SPTBN1: variants seen among roughly 807,000 people sequenced by gnomAD.
The protein encoded by SPTBN1 is spectrin beta chain, non-erythrocytic 1.
A neutral mutation model predicts 266.4 loss-of-function variants in SPTBN1; 32 were observed. The observed-to-expected ratio is 0.12, with a 90% CI of 0.09 to 0.16. SPTBN1 has a LOEUF of 0.16. SPTBN1 is among the 10% of genes least tolerant of loss of function. SPTBN1 has a pLI of 1.00. For missense variants in SPTBN1, 2,296 were observed against 3,067.1 expected, an observed-to-expected ratio of 0.75 and a Z score of 5.94; for synonymous variants, 1,336 against 1,162.2, an observed-to-expected ratio of 1.15 and a Z score of -3.04.
In SPTBN1 at chr2:54,641,245, G is replaced by A. The variant is rs574502805; in HGVS notation, c.3859-1738G>A. On this transcript the variant is annotated intron_variant, in intron 18 of 35. Transcript: ENST00000356805. ...TGATGCTTTATCTGTAGGATGATGT[G>A]TTCAGCAAAGAGCAGATTTGTTTAT... Among the ~76,000 whole-genome samples, 144 of 152,288 alleles carry A rather than the reference G, an allele frequency of 9.5e-4. 1 individual carries two copies. Among genetic ancestry groups the A allele is most frequent in the African/African-American group, 3.4e-3 (142 of 41,560 alleles).
chr2:54,638,634 T>A (rs907337987), intron 18 of SPTBN1, among the ~76,000 whole-genome samples: 2 of 152,250 alleles, frequency 1.3e-5, no homozygotes, highest in South Asian at 2.1e-4. Flanking sequence ...TCTAGCTGAT[T>A]TCACGTGTGA....
rs1468645244 is a variant in SPTBN1, at chr2:54,668,446, C to T, written c.6972C>T (p.Ser2324=). The change falls in exon 36 of 36, where the codon AGC becomes AGT. Residue 2324 remains serine (S), a synonymous_variant. Transcript: ENST00000356805. The stretch of plus-strand genomic sequence containing the variant: ...GCACCCAGAGCACGCCAGCATCCAG[C>T]CGCGCGCAGACCCTCCCCACCAGCG... ...SASTQSTPAS[S]RAQTLPTSVV... is the part of the protein sequence containing the mutation. 1 of 1,614,236 alleles carries T rather than the reference C, an allele frequency of 6.2e-7. No homozygotes were observed.
chr2:54,621,132 G>A (rs1221869431), intron 7 of SPTBN1, among the ~76,000 whole-genome samples: 1 of 152,198 alleles, frequency 6.6e-6, no homozygotes, highest in Non-Finnish European at 1.5e-5. Flanking sequence ...CTCAAGCAGA[G>A]CTAACCCAGT....
chr2:54,542,506 C>T (rs4261758), intron 2 of SPTBN1, among the ~76,000 whole-genome samples: 5 of 152,090 alleles, frequency 3.3e-5, no homozygotes, highest in Non-Finnish European at 5.9e-5. Context: ...CTTGGAGTTA[C>T]GCTAGAAGCA....
intron 3 of SPTBN1, among the ~76,000 whole-genome samples, chr2:54,607,997 C>G (rs1332059500): frequency 6.6e-6 from 1 of 152,188 alleles, no homozygotes; most frequent in Non-Finnish European, 1.5e-5. Context: ...AGGATCTTAA[C>G]TACCCAGGGG....
chr2:54,544,452 CTTA>C (rs1672119383), intron 2 of SPTBN1, among the ~76,000 whole-genome samples: 1 of 152,074 alleles, frequency 6.6e-6, no homozygotes, highest in African/African-American at 2.4e-5. Flanking sequence ...GGTTATTGAA[CTTA>C]CTAAACCTTT....
chr2:54,581,992 CT>C (rs1468568917), intron 2 of SPTBN1, among the ~76,000 whole-genome samples: 1 of 151,952 alleles, frequency 6.6e-6, no homozygotes, highest in Non-Finnish European at 1.5e-5. Flanking sequence ...CATGGGGTAC[CT>C]GTAAATTATC....
In SPTBN1 at chr2:54,670,446, G is replaced by T; in HGVS notation, c.*1877G>T. ...CAGCCCTGGGCTCCACAGCTGCGTG[G>T]CATCAAAGCTTTCTCTTAACTCTCT... On this transcript the variant is annotated 3_prime_UTR_variant, in exon 36 of 36. Coordinates refer to ENST00000356805, the MANE Select transcript of SPTBN1 (RefSeq NM_003128.3). The T allele has an allele frequency of 2.7e-6, 1 of 366,778 alleles. No individual in the cohort carries two copies. 22.7% of individuals were successfully genotyped at this position (366,778 alleles called of 1,614,324 possible). A position where few individuals can be genotyped will look rare whatever the true frequency, so the allele number is the denominator to read the frequency against.
intron 27 of SPTBN1, 115 bp from the exon 28 acceptor site, chr2:54,654,953 GAC>G: frequency 7.5e-7 from 1 of 1,325,858 alleles, no homozygotes; most frequent in Non-Finnish European, 1.0e-6. Context: ...AGACCTGAAA[GAC>G]CATCAGTTTC....
intron 1 of SPTBN1, among the ~76,000 whole-genome samples, chr2:54,506,298 G>A (rs1669552753): frequency 6.6e-6 from 1 of 152,176 alleles, no homozygotes; most frequent in African/African-American, 2.4e-5. Context: ...CCCAGAGCCG[G>A]CACCCTTGAG....
chr2:54,549,160 G>A (rs184889095), intron 2 of SPTBN1, among the ~76,000 whole-genome samples: 5 of 152,002 alleles, frequency 3.3e-5, no homozygotes, highest in East Asian at 3.9e-4. Flanking sequence ...GTGGTGGTGC[G>A]CGCCTGTAAT....
At chr2:54,487,088 A>G (rs1054566329) in intron 1 of SPTBN1, among the ~76,000 whole-genome samples, 3 of 150,560 alleles carry the variant, frequency 2.0e-5, no homozygotes, top group South Asian at 2.1e-4. Context: ...TTACTTTGGT[A>G]TTAGGTAATA....
chr2:54,644,897 C>T (rs1229940947), intron 20 of SPTBN1, among the ~76,000 whole-genome samples: 3 of 152,176 alleles, frequency 2.0e-5, no homozygotes, highest in Admixed American at 2.0e-4. Context: ...TTCAATTCTG[C>T]ATTTTACACG....
intron 1 of SPTBN1, among the ~76,000 whole-genome samples, chr2:54,485,164 C>A (rs1233734985): frequency 6.6e-6 from 1 of 151,876 alleles, no homozygotes; most frequent in African/African-American, 2.4e-5. Flanking sequence ...CTCCCTCTCC[C>A]TCTCCCTCCG....
At chr2:54,640,546 GT>G (rs1285487535) in intron 18 of SPTBN1, among the ~76,000 whole-genome samples, 2 of 151,868 alleles carry the variant, frequency 1.3e-5, no homozygotes, top group Non-Finnish European at 2.9e-5. Context: ...CTTTGTAGTG[GT>G]TTTGTTTTGT....
chr2:54,472,647 TACAGACTTGAGC>T (rs1693988607), intron 1 of SPTBN1, among the ~76,000 whole-genome samples: 1 of 152,024 alleles, frequency 6.6e-6, no homozygotes, highest in Non-Finnish European at 1.5e-5. Flanking sequence ...ATGGGTCCTG[TACAGACTTGAGC>T]CTGATGGTGA....
chr2:54,612,395 T>C, intron 4 of SPTBN1, 61 bp downstream of exon 4: 1 of 1,527,622 alleles, frequency 6.5e-7, no homozygotes, highest in East Asian at 2.3e-5. Context: ...ATGAGCATTG[T>C]TATAGAGCTG....
intron 1 of SPTBN1, among the ~76,000 whole-genome samples, chr2:54,459,695 C>T (rs141721013): frequency 1.8e-4 from 27 of 152,214 alleles, no homozygotes; most frequent in Middle Eastern, 3.4e-3. Flanking sequence ...TAATGGCAGC[C>T]GTAGTTTCTT....
intron 1 of SPTBN1, among the ~76,000 whole-genome samples, chr2:54,478,304 A>T (rs964345534): frequency 1.3e-5 from 2 of 151,980 alleles, no homozygotes; most frequent in African/African-American, 4.8e-5. Context: ...GTAGCCTTGG[A>T]GTAAGTCTGC....
Sources: allele counts gnomAD v4.1 joint callset (sites outside exome capture counted in the v4.1 genomes callset), GRCh38; gene constraint gnomAD v4.1.1; transcripts MANE v1.5; gene names NCBI Gene and HGNC (gene_info 2026-07-23, HGNC 2026-07-21).